Variants in RAB7A observed in about 807,000 individuals in gnomAD.
RAB7A encodes the protein ras-related protein Rab-7a.
In RAB7A, 2 loss-of-function variants were observed where a neutral mutation model predicts 24.5. The ratio of observed to expected loss-of-function variants is 0.08; its 90% CI spans 0.03 to 0.26. The LOEUF (loss-of-function observed/expected upper bound fraction) is 0.26. RAB7A is among the 10% of genes least tolerant of loss of function. The probability of loss-of-function intolerance (pLI) is 1.00; values close to 1 mark genes in which losing one functional copy is unlikely to be tolerated. For synonymous variants in RAB7A, 100 were observed against 95.9 expected (o/e 1.04, Z -0.25); for missense variants, 118 against 255.7 (o/e 0.46, Z 3.67).
At chr3:128,809,947 T>C (rs1473858041) in intron 5 of RAB7A, among the ~76,000 whole-genome samples, 3 of 93,550 alleles carry the variant, frequency 3.2e-5, no homozygotes, top group Admixed American at 3.1e-4. Context: ...TTTTTTTTTT[T>C]TTTTTTTTTT....
intron 1 of RAB7A, chr3:128,785,152 G>T (rs189412431): frequency 1.3e-5 from 2 of 152,056 alleles, no homozygotes; most frequent in Non-Finnish European, 2.9e-5. Context: ...TTGCATCTGG[G>T]CACAGTGGTG....
At chr3:128,732,981 A>T (rs2070453580) in intron 1 of RAB7A, among the ~76,000 whole-genome samples, 1 of 152,190 alleles carries the variant, frequency 6.6e-6, no homozygotes, top group Admixed American at 6.5e-5. Context: ...TATTTTTCAA[A>T]TGTTTGTTGG....
intron 4 of RAB7A, among the ~76,000 whole-genome samples, chr3:128,806,970 G>A (rs965476269): frequency 6.6e-6 from 1 of 152,242 alleles, no homozygotes; most frequent in African/African-American, 2.4e-5. Context: ...TTGCTGTACT[G>A]TAGTTTCAAA....
intron 1 of RAB7A, among the ~76,000 whole-genome samples, chr3:128,754,674 A>C (rs1305718455): frequency 1.3e-5 from 2 of 152,188 alleles, no homozygotes; most frequent in Non-Finnish European, 2.9e-5. Context: ...ACTTTAGATG[A>C]AAGACAAAAA....
chr3:128,754,035 C>A (rs1040407635), intron 1 of RAB7A, among the ~76,000 whole-genome samples: 1 of 151,876 alleles, frequency 6.6e-6, no homozygotes, highest in Non-Finnish European at 1.5e-5. Flanking sequence ...GAGTTTGTTA[C>A]CACTAGATCT....
At chr3:128,749,886 A>G (rs1384650075) in intron 1 of RAB7A, among the ~76,000 whole-genome samples, 4 of 152,242 alleles carry the variant, frequency 2.6e-5, no homozygotes, top group Non-Finnish European at 5.9e-5. Flanking sequence ...AAAAAGGACT[A>G]ATATGGTAAA....
chr3:128,726,399 T>TC (rs948454306), intron 1 of RAB7A, 40 bp downstream of exon 1: 26 of 149,146 alleles, frequency 1.7e-4, no homozygotes, highest in African/African-American at 4.7e-4. Context: ...CCTGGCCCCA[T>TC]CCCCCCCCTC....
chr3:128,755,392 T>C (rs931173565), intron 1 of RAB7A, among the ~76,000 whole-genome samples: 1 of 152,010 alleles, frequency 6.6e-6, no homozygotes, highest in Non-Finnish European at 1.5e-5. Flanking sequence ...TATAAATGCC[T>C]TCATTAAAAA....
At chr3:128,809,275 C>T (rs1933867412) in intron 5 of RAB7A, among the ~76,000 whole-genome samples, 1 of 152,186 alleles carries the variant, frequency 6.6e-6, no homozygotes, top group South Asian at 2.1e-4. Context: ...TTGCTTTCCC[C>T]AAGGGGAATA....
At chr3:128,802,585 A>G (rs1347112127) in intron 3 of RAB7A, among the ~76,000 whole-genome samples, 1 of 150,546 alleles carries the variant, frequency 6.6e-6, no homozygotes, top group Non-Finnish European at 1.5e-5. Context: ...ATCTTGGCTC[A>G]CTGCAACCTC....
At chr3:128,763,208 A>ATTTTTTTTTTTT (rs1174944964) in intron 1 of RAB7A, among the ~76,000 whole-genome samples, 2 of 76,060 alleles carry the variant, frequency 2.6e-5, no homozygotes, top group African/African-American at 8.2e-5. Context: ...ATATATATAT[A>ATTTTTTTTTTTT]TTTTTTTTTT....
intron 1 of RAB7A, among the ~76,000 whole-genome samples, chr3:128,760,128 G>C (rs544653380): frequency 6.8e-4 from 103 of 152,270 alleles, no homozygotes; most frequent in Non-Finnish European, 1.2e-3. Flanking sequence ...ACTGAGTGAA[G>C]GTGGCTGCCC....
At chr3:128,795,535 T>C (rs1474376499) in intron 2 of RAB7A, 115 bp downstream of exon 2, 19 of 932,594 alleles carry the variant, frequency 2.0e-5, no homozygotes, top group Non-Finnish European at 3.4e-5. Flanking sequence ...CTTAGGGCCT[T>C]ACATGTTTCC....
At chr3:128,759,960 T>TC (rs1331804171) in intron 1 of RAB7A, among the ~76,000 whole-genome samples, 3 of 152,172 alleles carry the variant, frequency 2.0e-5, no homozygotes, top group Non-Finnish European at 4.4e-5. Context: ...TCTGCCTGCC[T>TC]CGGCCTCCCA....
At chr3:128,750,846 T>C (rs942970168) in intron 1 of RAB7A, among the ~76,000 whole-genome samples, 3 of 152,060 alleles carry the variant, frequency 2.0e-5, no homozygotes, top group Admixed American at 1.3e-4. Context: ...TAGGAGAAGA[T>C]GGTTTCATGG....
intron 1 of RAB7A, among the ~76,000 whole-genome samples, chr3:128,774,917 A>T (rs7621587): frequency 0.22 from 32,959 of 151,630 alleles, 5,105 homozygotes; most frequent in African/African-American, 0.43. Flanking sequence ...TATGGCTGGG[A>T]TTACAGGTGT....
At chr3:128,742,619 G>A (rs1317731021) in intron 1 of RAB7A, among the ~76,000 whole-genome samples, 1 of 152,056 alleles carries the variant, frequency 6.6e-6, no homozygotes, top group Non-Finnish European at 1.5e-5. Context: ...TAGACACAGA[G>A]CACTGATTGG....
chr3:128,751,092 A>C (rs773104230), intron 1 of RAB7A, among the ~76,000 whole-genome samples: 2 of 152,226 alleles, frequency 1.3e-5, no homozygotes, highest in Non-Finnish European at 2.9e-5. Flanking sequence ...AAATGCCTGG[A>C]TGTCCAGGCA....
intron 1 of RAB7A, among the ~76,000 whole-genome samples, chr3:128,783,211 C>G (rs1933259741): frequency 7.4e-6 from 1 of 134,848 alleles, no homozygotes; most frequent in African/African-American, 2.7e-5. Context: ...CCCCCGCCCC[C>G]CCGCCCCCCA....
Sources: gnomAD v4.1 joint callset for allele counts (sites outside exome capture counted in the v4.1 genomes callset) on GRCh38, gnomAD v4.1.1 for gene constraint, MANE v1.5 for transcripts, NCBI Gene and HGNC (gene_info 2026-07-23, HGNC 2026-07-21) for gene names.